Variants in TNKS observed in about 807,000 individuals in gnomAD.
TNKS encodes the protein poly [ADP-ribose] polymerase tankyrase-1.
TNKS carries 72 observed loss-of-function variants against 135.8 expected under a neutral mutation model. That is an observed-to-expected ratio of 0.53 (90% CI 0.44 to 0.64). The LOEUF (loss-of-function observed/expected upper bound fraction) is 0.64. Among genes scored for constraint, TNKS ranks in the 30% least tolerant of loss-of-function variants. TNKS has a pLI of 0.00. For missense variants in TNKS, 1,769 were observed against 1,674.0 expected, an observed-to-expected ratio of 1.06 and a Z score of -0.99; for synonymous variants, 849 against 649.3, an observed-to-expected ratio of 1.31 and a Z score of -4.68.
intron 2 of TNKS, among the ~76,000 whole-genome samples, chr8:9,607,965 G>A (rs1262292534): frequency 6.6e-6 from 1 of 151,332 alleles, no homozygotes; most frequent in Non-Finnish European, 1.5e-5. Flanking sequence ...TTTAAGACAG[G>A]GTTTCACATT....
Position 9,780,646 on chromosome 8 carries a change from G to A in TNKS, c.*3910G>A, listed in dbSNP as rs1202025453. On this transcript the variant is annotated 3_prime_UTR_variant, in exon 27 of 27. Transcript: ENST00000310430. ...AAATTAAATTTTTCCCCTCTAGAAA[G>A]CCTTAACTATGGCGGAAACTTTTTA... 1 of 152,166 alleles carries A rather than the reference G, an allele frequency of 6.6e-6. No individual in the cohort carries two copies. The highest frequency in any genetic ancestry group is 2.1e-4 in the South Asian group (1 of 4,822). 9.4% of individuals were successfully genotyped at this position (152,166 alleles called of 1,614,324 possible).
At chr8:9,566,587 C>T (rs927957047) in intron 1 of TNKS, 7 of 148,282 alleles carry the variant, frequency 4.7e-5, no homozygotes, top group African/African-American at 1.7e-4. Context: ...CGTATATTAG[C>T]CCAGTCTTTT....
intron 3 of TNKS, among the ~76,000 whole-genome samples, chr8:9,652,742 C>A (rs938349737): frequency 3.9e-5 from 6 of 152,132 alleles, no homozygotes; most frequent in Non-Finnish European, 4.4e-5. Flanking sequence ...TTATTATCAT[C>A]ATCATCACTA....
At chr8:9,704,836 C>G in intron 6 of TNKS, 79 bp downstream of exon 6, 1 of 1,080,682 alleles carries the variant, frequency 9.3e-7, no homozygotes, top group Non-Finnish European at 1.4e-6. Context: ...TAGACAAAGT[C>G]ATATGTCCCA....
intron 3 of TNKS, among the ~76,000 whole-genome samples, chr8:9,621,801 AC>A (rs1799878034): frequency 6.6e-6 from 1 of 152,202 alleles, no homozygotes; most frequent in African/African-American, 2.4e-5. Flanking sequence ...AAAATAAACT[AC>A]AAGCAGAAAT....
In TNKS at chr8:9,710,062, G is replaced by C; in HGVS notation, c.1670+16G>C. The C allele has an allele frequency of 6.2e-7, 1 of 1,611,620 alleles. No individual in the cohort carries two copies. Among genetic ancestry groups the C allele is most frequent in the Non-Finnish European group, 8.5e-7 (1 of 1,177,748 alleles). On this transcript the variant is annotated intron_variant, in intron 10 of 26. Transcript: ENST00000310430. ...AAAATAAAGAGTAAGTATAATTGCA[G>C]AAGGAGTTGTTCAGTTCCTAAAGAG...
intron 1 of TNKS, among the ~76,000 whole-genome samples, chr8:9,578,884 C>CT (rs1333510644): frequency 6.6e-6 from 1 of 152,068 alleles, no homozygotes; most frequent in Non-Finnish European, 1.5e-5. Flanking sequence ...TTGCGGTTTC[C>CT]TTTTATAACC....
intron 3 of TNKS, among the ~76,000 whole-genome samples, chr8:9,628,082 T>C (rs1032351351): frequency 2.6e-5 from 4 of 152,248 alleles, no homozygotes; most frequent in African/African-American, 9.6e-5. Flanking sequence ...ATTTGTTTCC[T>C]GCAGCTATGC....
intron 3 of TNKS, among the ~76,000 whole-genome samples, chr8:9,653,836 C>G (rs1251888501): frequency 6.6e-6 from 1 of 152,170 alleles, no homozygotes; most frequent in Non-Finnish European, 1.5e-5. Flanking sequence ...TTGTTCCTTT[C>G]CCTTTCTGAT....
chr8:9,656,464 G>GA lies in TNKS; in HGVS notation c.995-23481dup, dbSNP rs1563146081. Among the ~76,000 whole-genome samples the GA allele has an allele frequency of 2.0e-5, 3 of 152,222 alleles. No individual in the cohort carries two copies. In the South Asian group the frequency reaches 6.2e-4, roughly 32 times the overall value. On this transcript the variant is annotated intron_variant, in intron 3 of 26. Transcript: ENST00000310430. Reference sequence around the variant, plus strand: ...CAAATTCACCGAAGTTGAAATGAGGGAAAAAATGTTAAGGGCAGCCAGAGA... The same window carrying GA: ...CAAATTCACCGAAGTTGAAATGAGGGAAAAAAATGTTAAGGGCAGCCAGAGA...
intron 11 of TNKS, among the ~76,000 whole-genome samples, chr8:9,717,341 C>G (rs1320055680): frequency 1.3e-5 from 2 of 151,346 alleles, no homozygotes; most frequent in African/African-American, 2.4e-5. Context: ...TGCATACCAC[C>G]AAGGATAATG....
chr8:9,697,531 A>G (rs2128804366), intron 5 of TNKS, among the ~76,000 whole-genome samples: 1 of 152,212 alleles, frequency 6.6e-6, no homozygotes, highest in East Asian at 1.9e-4. Flanking sequence ...GGGAGAAAAT[A>G]CTCATAAACT....
At chr8:9,741,363 A>C (rs1030726710) in intron 17 of TNKS, among the ~76,000 whole-genome samples, 1 of 152,212 alleles carries the variant, frequency 6.6e-6, no homozygotes, top group Non-Finnish European at 1.5e-5. Flanking sequence ...TGATCTAGTA[A>C]GGCTTATGTT....
intron 26 of TNKS, 81 bp from the exon 27 acceptor site, chr8:9,776,569 C>T: frequency 1.5e-6 from 2 of 1,337,630 alleles, no homozygotes; most frequent in Non-Finnish European, 2.1e-6. Flanking sequence ...GATTAACAGC[C>T]TTTGAGGCTT....
At chr8:9,576,322 G>A (rs1797942379) in intron 1 of TNKS, among the ~76,000 whole-genome samples, 1 of 152,052 alleles carries the variant, frequency 6.6e-6, no homozygotes, top group Non-Finnish European at 1.5e-5. Flanking sequence ...AGTTTTAATT[G>A]ACTCATAGTT....
chr8:9,585,855 A>T (rs1036836178), intron 2 of TNKS, among the ~76,000 whole-genome samples: 2 of 152,152 alleles, frequency 1.3e-5, no homozygotes, highest in Non-Finnish European at 2.9e-5. Context: ...AAATCTAACA[A>T]TTAGGACTTA....
chr8:9,706,947 A>C lies in TNKS; in HGVS notation c.1406A>C (p.Lys469Thr). ...ADPTLVNCHG[K>T]SAVDMAPTPE... ...CCTACATTAGTCAACTGCCATGGCA[A>C]AAGTGCTGTGGATATGGCTCCAACT... Residue 469 changes from lysine to threonine, a missense_variant, in exon 8 of 27, where the codon AAA becomes ACA. Coordinates refer to ENST00000310430, the MANE Select transcript of TNKS (RefSeq NM_003747.3). The C allele has an allele frequency of 6.2e-7, 1 of 1,613,586 alleles. No individual in the cohort carries two copies. The highest frequency in any genetic ancestry group is 8.5e-7 in the Non-Finnish European group (1 of 1,179,790).
chr8:9,683,679 A>C (rs1175501123), intron 5 of TNKS, among the ~76,000 whole-genome samples: 2 of 151,788 alleles, frequency 1.3e-5, no homozygotes, highest in East Asian at 3.9e-4. Context: ...TTGAGACTTT[A>C]GGTTTTTTTT....
At chr8:9,608,203 A>G (rs1419120139) in intron 2 of TNKS, among the ~76,000 whole-genome samples, 1 of 152,162 alleles carries the variant, frequency 6.6e-6, no homozygotes, top group Non-Finnish European at 1.5e-5. Flanking sequence ...AGCCTCCCAA[A>G]GTGCTGGGAA....
Sources: gnomAD v4.1 joint callset for allele counts (sites outside exome capture counted in the v4.1 genomes callset) on GRCh38, gnomAD v4.1.1 for gene constraint, MANE v1.5 for transcripts, NCBI Gene and HGNC (gene_info 2026-07-23, HGNC 2026-07-21) for gene names.